The following RGSL1 variants were observed in gnomAD, a reference collection of about 807,000 sequenced individuals.
The protein encoded by RGSL1 is regulator of G protein signaling protein-like.
RGSL1 carries 97 observed loss-of-function variants against 124.7 expected under a neutral mutation model. The observed-to-expected ratio is 0.78, with a 90% confidence interval of 0.66 to 0.92. The LOEUF is 0.92. RGSL1 is among the 40% of genes least tolerant of loss of function. RGSL1 has a pLI of 0.00. For missense variants in RGSL1, 1,233 were observed against 1,288.4 expected (o/e 0.96, Z 0.66); for synonymous variants, 424 against 438.1 (o/e 0.97, Z 0.40).
At chr1:182,546,669 G>A (rs1480585583) in intron 15 of RGSL1, among the ~76,000 whole-genome samples, 1 of 152,180 alleles carries the variant, frequency 6.6e-6, no homozygotes. Flanking sequence ...GGAATTACAG[G>A]TGTGAGCCAC....
chr1:182,527,689 T>A lies in RGSL1; in HGVS notation c.2042T>A (p.Ile681Asn). 6.4e-7 allele frequency: 1 copy of A among 1,551,446 alleles called. No individual in the cohort carries two copies. The highest frequency in any genetic ancestry group is 1.2e-5 in the South Asian group (1 of 84,042). Residue 681 changes from isoleucine to asparagine, a missense_variant, in exon 11 of 22, where the codon ATC becomes AAC. Coordinates refer to ENST00000294854, the MANE Select transcript of RGSL1 (RefSeq NM_001137669.2). ...PLQFLTAVQK[I>N]SIETNEKICK... ...CAATTTCTCACAGCTGTACAGAAGA[T>A]CAGTATAGAGACCAATGAAAAGATT... is the stretch of plus-strand genomic sequence containing the variant.
At chr1:182,492,126 A>C (rs957809555) in intron 8 of RGSL1, among the ~76,000 whole-genome samples, 1 of 152,244 alleles carries the variant, frequency 6.6e-6, no homozygotes, top group Admixed American at 6.5e-5. Context: ...TGAGAAAGGG[A>C]AAACATAGCA....
chr1:182,518,811 T>C (rs1489549012), intron 9 of RGSL1, among the ~76,000 whole-genome samples: 1 of 152,130 alleles, frequency 6.6e-6, no homozygotes, highest in African/African-American at 2.4e-5. Context: ...TGTCTCATAT[T>C]ATATTTGAGT....
At chr1:182,503,432 T>A (rs1372145865) in intron 9 of RGSL1, among the ~76,000 whole-genome samples, 3 of 152,146 alleles carry the variant, frequency 2.0e-5, no homozygotes, top group Non-Finnish European at 4.4e-5. Flanking sequence ...ACAACATGGA[T>A]GGAACTGGAG....
At chr1:182,554,534 C>T in intron 19 of RGSL1, 93 bp from the exon 20 acceptor site, 2 of 1,082,764 alleles carry the variant, frequency 1.8e-6, no homozygotes, top group Admixed American at 2.0e-5. Flanking sequence ...TCCGTGGAAG[C>T]CCACCCAGCA....
intron 2 of RGSL1, among the ~76,000 whole-genome samples, 199 bp downstream of exon 2, chr1:182,454,239 T>C (rs535076129): frequency 1.3e-5 from 2 of 152,324 alleles, no homozygotes; most frequent in East Asian, 1.9e-4. Flanking sequence ...CTTCCCATTG[T>C]TGATGTCATC....
At chr1:182,531,937 G>A (rs1335248571) in intron 13 of RGSL1, among the ~76,000 whole-genome samples, 1 of 152,136 alleles carries the variant, frequency 6.6e-6, no homozygotes, top group Non-Finnish European at 1.5e-5. Context: ...TACACAATTA[G>A]GTTCTGAGAA....
intron 15 of RGSL1, among the ~76,000 whole-genome samples, chr1:182,542,038 C>T (rs1659924060): frequency 6.6e-6 from 1 of 152,036 alleles, no homozygotes; most frequent in Non-Finnish European, 1.5e-5. Context: ...TGTCTCTTTA[C>T]TTTGTTGATT....
At chr1:182,497,776 G>A (rs1400486420) in intron 9 of RGSL1, among the ~76,000 whole-genome samples, 2 of 152,076 alleles carry the variant, frequency 1.3e-5, no homozygotes, top group African/African-American at 4.8e-5. Flanking sequence ...TTTGTTTGAT[G>A]TTTTCTCATG....
intron 9 of RGSL1, among the ~76,000 whole-genome samples, chr1:182,499,574 A>G (rs1191910238): frequency 6.6e-6 from 1 of 152,152 alleles, no homozygotes; most frequent in Non-Finnish European, 1.5e-5. Flanking sequence ...GTGTCATTGC[A>G]TGTGAGATGA....
chr1:182,502,575 C>G (rs1056634392), intron 9 of RGSL1, among the ~76,000 whole-genome samples: 14 of 152,216 alleles, frequency 9.2e-5, no homozygotes, highest in African/African-American at 3.4e-4. Flanking sequence ...GACCCCATCT[C>G]TAAAAAACAA....
chr1:182,531,693 T>C (rs1490261269), intron 13 of RGSL1, among the ~76,000 whole-genome samples: 1 of 152,206 alleles, frequency 6.6e-6, no homozygotes, highest in Non-Finnish European at 1.5e-5. Flanking sequence ...CGAATGGTCA[T>C]ATAGACTACT....
chr1:182,517,092 A>C (rs1657951544), intron 9 of RGSL1, among the ~76,000 whole-genome samples: 1 of 152,056 alleles, frequency 6.6e-6, no homozygotes, highest in Non-Finnish European at 1.5e-5. Flanking sequence ...TCTCTAGGGA[A>C]GACTTTACGT....
At chr1:182,519,725 G>C (rs376080343) in intron 9 of RGSL1, among the ~76,000 whole-genome samples, 2 of 151,446 alleles carry the variant, frequency 1.3e-5, no homozygotes, top group African/African-American at 2.4e-5. Flanking sequence ...AGTATATTTC[G>C]TATACTTTTT....
At chr1:182,498,680 T>C (rs1656117498) in intron 9 of RGSL1, among the ~76,000 whole-genome samples, 1 of 152,246 alleles carries the variant, frequency 6.6e-6, no homozygotes, top group African/African-American at 2.4e-5. Flanking sequence ...TCTATTTTTA[T>C]TGTGCCATGG....
At chr1:182,471,489 A>C (rs1653837988) in intron 4 of RGSL1, 1 of 387,916 alleles carries the variant, frequency 2.6e-6, no homozygotes, top group Admixed American at 3.2e-5. Flanking sequence ...TTGAATATAA[A>C]CATGTTTAAT....
In RGSL1 at chr1:182,473,846, G is replaced by A. The variant is rs200246535; in HGVS notation, c.735G>A (p.Arg245=). ...SIKKCHHFQK[R]YSSRKAKRKM... is the part of the protein sequence containing the mutation. Reference sequence around the variant, plus strand: ...AGAAGTGCCACCACTTTCAGAAACGGTACTCAAGCAGGAAAGCCAAGAGGA... The same window carrying A: ...AGAAGTGCCACCACTTTCAGAAACGATACTCAAGCAGGAAAGCCAAGAGGA... The change falls in exon 6 of 22, where the codon CGG becomes CGA. Residue 245 remains arginine, a synonymous_variant. Coordinates refer to ENST00000294854, the MANE Select transcript of RGSL1 (RefSeq NM_001137669.2). The A allele has an allele frequency of 1.4e-3, 2,101 of 1,551,682 alleles. 12 individuals are homozygous for A. In the Middle Eastern group the frequency reaches 0.027, roughly 20 times the overall value.
At chr1:182,547,414 A>T (rs1048621721) in intron 15 of RGSL1, among the ~76,000 whole-genome samples, 1 of 152,146 alleles carries the variant, frequency 6.6e-6, no homozygotes, top group African/African-American at 2.4e-5. Flanking sequence ...AGAGGGAGAT[A>T]CTAGTCAGAG....
chr1:182,518,907 T>A (rs1487257449), intron 9 of RGSL1, among the ~76,000 whole-genome samples: 1 of 152,104 alleles, frequency 6.6e-6, no homozygotes, highest in Non-Finnish European at 1.5e-5. Flanking sequence ...GAAGCCAGCA[T>A]CCTTCCATGC....
Sources: allele counts gnomAD v4.1 joint callset (sites outside exome capture counted in the v4.1 genomes callset), GRCh38; gene constraint gnomAD v4.1.1; transcripts MANE v1.5; gene names NCBI Gene and HGNC (gene_info 2026-07-23, HGNC 2026-07-21).